The following FEZ1 variants were observed in gnomAD, a reference collection of about 807,000 sequenced individuals.
FEZ1 encodes fasciculation and elongation protein zeta-1.
In FEZ1, 20 loss-of-function variants were observed where a neutral mutation model predicts 49.3. That is an observed-to-expected ratio of 0.41 (90% confidence interval 0.29 to 0.59). The LOEUF is 0.59. Among genes scored for constraint, FEZ1 ranks in the 20% least tolerant of loss-of-function variants. The pLI is 0.36. For synonymous variants in FEZ1, 170 were observed against 180.9 expected (o/e 0.94, Z 0.48); for missense variants, 413 against 476.0 (o/e 0.87, Z 1.23).
At chr11:125,479,327 G>A (rs1055664666) in intron 3 of FEZ1, among the ~76,000 whole-genome samples, 1 of 152,244 alleles carries the variant, frequency 6.6e-6, no homozygotes, top group Admixed American at 6.5e-5. Context: ...TCTGTTTCTT[G>A]CTCTTTTACT....
In FEZ1 at chr11:125,460,589, A is replaced by C; in HGVS notation, c.576T>G (p.Asp192Glu). The C allele has an allele frequency of 6.2e-7, 1 of 1,613,944 alleles. No individual in the cohort carries two copies. The highest frequency in any genetic ancestry group is 8.5e-7 in the Non-Finnish European group (1 of 1,179,858). ...CTGCCTGGGAGGAAGTTTCTCCTCCATCCTCTTCTTCCAGAACCTCCTCTT... is the reference window on the plus strand; with the variant it reads ...CTGCCTGGGAGGAAGTTTCTCCTCCCTCCTCTTCTTCCAGAACCTCCTCTT... The part of the protein sequence containing the change: ...EEEEEVLEEE[D>E]GGETSSQADS... Residue 192 changes from aspartate (D) to glutamate (E), a missense_variant, in exon 5 of 10, where the codon GAT (aspartate) becomes GAG (glutamate). Asp to Glu is a conservative substitution (Grantham distance 45). Coordinates refer to ENST00000278919, the MANE Select transcript of FEZ1 (RefSeq NM_005103.5).
At chr11:125,469,033 C>G (rs1281468996) in intron 3 of FEZ1, 1 of 152,248 alleles carries the variant, frequency 6.6e-6, no homozygotes, top group East Asian at 1.9e-4. Context: ...ATGTAAGACT[C>G]TACAGAATGA....
intron 5 of FEZ1, among the ~76,000 whole-genome samples, chr11:125,457,137 C>T (rs192211802): frequency 6.8e-6 from 1 of 147,714 alleles, no homozygotes; most frequent in Non-Finnish European, 1.5e-5. Flanking sequence ...GAGCAGAGAT[C>T]ACACCACTGT....
At chr11:125,463,325 G>GA (rs1306569721) in intron 4 of FEZ1, 159 bp downstream of exon 4, 20 of 535,458 alleles carry the variant, frequency 3.7e-5, no homozygotes, top group East Asian at 2.0e-4. Context: ...TATATATAAA[G>GA]AAAAAAAAGA....
In FEZ1 at chr11:125,478,015, C is replaced by T. The variant is rs182386789; in HGVS notation, c.411+3519G>A. Among the ~76,000 whole-genome samples the T allele has an allele frequency of 4.9e-3, 749 of 152,314 alleles. 2 individuals are homozygous for T. Among genetic ancestry groups the T allele is most frequent in the South Asian group, 0.025 (123 of 4,824 alleles). On this transcript the variant is annotated intron_variant, in intron 3 of 9. Coordinates refer to ENST00000278919, the MANE Select transcript of FEZ1 (RefSeq NM_005103.5). The stretch of plus-strand genomic sequence containing the variant: ...TAATTAACTTTTTAAACTATGTAGA[C>T]GTGTTACTTTGATTTTAACAAAAAA...
chr11:125,477,023 G>A (rs79326506), intron 3 of FEZ1, among the ~76,000 whole-genome samples: 9,065 of 152,158 alleles, frequency 0.06, 358 homozygotes, highest in Non-Finnish European at 0.075. Context: ...AGACCAGTTT[G>A]TAGCAGAAAG....
chr11:125,465,478 C>T (rs1006429786), intron 3 of FEZ1, among the ~76,000 whole-genome samples: 1 of 152,080 alleles, frequency 6.6e-6, no homozygotes, highest in Non-Finnish European at 1.5e-5. Context: ...AGTTTCTCTC[C>T]CCTCCCCCTC....
chr11:125,491,254 C>A (rs1386678567), intron 1 of FEZ1, among the ~76,000 whole-genome samples: 1 of 152,136 alleles, frequency 6.6e-6, no homozygotes, highest in African/African-American at 2.4e-5. Context: ...ACTGTGGGAC[C>A]TCTACCCCTC....
intron 4 of FEZ1, among the ~76,000 whole-genome samples, chr11:125,461,706 C>T (rs1957076913): frequency 6.6e-6 from 1 of 152,184 alleles, no homozygotes; most frequent in Non-Finnish European, 1.5e-5. Context: ...GAGTTTTGTC[C>T]CAACCTTCAC....
chr11:125,485,655 G>T (rs1057223811), intron 2 of FEZ1, among the ~76,000 whole-genome samples: 1 of 152,094 alleles, frequency 6.6e-6, no homozygotes, highest in Non-Finnish European at 1.5e-5. Context: ...GAAATTAGTG[G>T]CTGGGCGTGG....
rs886231288 is a variant in FEZ1 at position 125,442,996 on chromosome 11, A to G, written c.*3099T>C. Among the ~76,000 whole-genome samples the G allele has an allele frequency of 6.6e-6, 1 of 152,002 alleles. No individual in the cohort carries two copies. The highest frequency in any genetic ancestry group is 1.5e-5 in the Non-Finnish European group (1 of 68,004). Reference sequence around the variant, plus strand: ...GGTGATCTGCCCACCTCGGCCTCCCAAAGTTCTGGGATTACAGGCATGAGC... The same window carrying G: ...GGTGATCTGCCCACCTCGGCCTCCCGAAGTTCTGGGATTACAGGCATGAGC... On this transcript the variant is annotated 3_prime_UTR_variant, in exon 10 of 10. Transcript: ENST00000278919.
chr11:125,475,042 G>A (rs527832703), intron 3 of FEZ1, among the ~76,000 whole-genome samples: 1 of 152,188 alleles, frequency 6.6e-6, no homozygotes, highest in Non-Finnish European at 1.5e-5. Flanking sequence ...GGCCGGGGCA[G>A]GTGGATCACT....
intron 3 of FEZ1, among the ~76,000 whole-genome samples, chr11:125,480,494 T>A (rs1183675711): frequency 1.3e-5 from 2 of 152,234 alleles, no homozygotes; most frequent in Non-Finnish European, 2.9e-5. Flanking sequence ...TTCTCAGCAC[T>A]GTTTTTGTGG....
At chr11:125,490,408 T>C (rs922814846) in intron 1 of FEZ1, among the ~76,000 whole-genome samples, 4 of 152,236 alleles carry the variant, frequency 2.6e-5, no homozygotes, top group Non-Finnish European at 5.9e-5. Context: ...CAAAGATTGC[T>C]ATCCCAGATC....
intron 5 of FEZ1, among the ~76,000 whole-genome samples, chr11:125,457,498 A>ATACACATATATATAATATG (rs1565533690): frequency 7.8e-5 from 5 of 64,202 alleles, no homozygotes; most frequent in African/African-American, 2.6e-4. Context: ...ATGTGTATAT[A>ATACACATATATATAATATG]TGTATATATA....
At chr11:125,449,040 T>C (rs1956924144) in intron 8 of FEZ1, among the ~76,000 whole-genome samples, 2 of 152,072 alleles carry the variant, frequency 1.3e-5, no homozygotes, top group Non-Finnish European at 2.9e-5. Flanking sequence ...CTGGTGACTT[T>C]CTTTTCTTTT....
intron 3 of FEZ1, among the ~76,000 whole-genome samples, chr11:125,470,367 T>A (rs1275758588): frequency 1.3e-5 from 2 of 152,168 alleles, no homozygotes; most frequent in Admixed American, 6.5e-5. Context: ...AGCTGAAGGC[T>A]GAGAAAGTTC....
At chr11:125,461,782 T>C (rs947122883) in intron 4 of FEZ1, among the ~76,000 whole-genome samples, 1 of 152,234 alleles carries the variant, frequency 6.6e-6, no homozygotes, top group Non-Finnish European at 1.5e-5. Flanking sequence ...TGAGGTGGTT[T>C]CTTCACAGTG....
intron 4 of FEZ1, 178 bp downstream of exon 4, chr11:125,463,306 A>T (rs1195000741): frequency 1.3e-5 from 6 of 469,680 alleles, no homozygotes; most frequent in Non-Finnish European, 2.3e-5. Flanking sequence ...ACTCTGTCTC[A>T]AAAGTATATA....
Sources: allele counts gnomAD v4.1 joint callset (sites outside exome capture counted in the v4.1 genomes callset), GRCh38; gene constraint gnomAD v4.1.1; transcripts MANE v1.5; gene names NCBI Gene and HGNC (gene_info 2026-07-23, HGNC 2026-07-21).